DPP10: variants seen among roughly 807,000 people sequenced by gnomAD.
The protein encoded by DPP10 is inactive dipeptidyl peptidase 10.
A neutral mutation model predicts 120.9 loss-of-function variants in DPP10; 33 were observed. That is an observed-to-expected ratio of 0.27 (90% CI 0.21 to 0.37). The LOEUF (loss-of-function observed/expected upper bound fraction) is 0.37, where lower values mean the gene tolerates loss of function less well. Among genes scored for constraint, DPP10 ranks in the 10% least tolerant of loss-of-function variants. DPP10 has a pLI of 1.00. For synonymous variants in DPP10, 337 were observed against 326.1 expected (o/e 1.03, Z -0.36); for missense variants, 816 against 942.8 (o/e 0.87, Z 1.76).
chr2:114,964,420 A>G (rs1044717493), intron 1 of DPP10, among the ~76,000 whole-genome samples: 8 of 152,150 alleles, frequency 5.3e-5, no homozygotes, highest in African/African-American at 1.9e-4. Context: ...TACAGAGGAC[A>G]GTAAATAAGA....
chr2:115,056,200 A>G (rs1247899205), intron 1 of DPP10, among the ~76,000 whole-genome samples: 1 of 152,156 alleles, frequency 6.6e-6, no homozygotes. Context: ...AGGGTGAGGC[A>G]GGGCATATAG....
intron 1 of DPP10, among the ~76,000 whole-genome samples, chr2:114,610,177 T>C (rs1195039852): frequency 6.6e-6 from 1 of 152,176 alleles, no homozygotes; most frequent in African/African-American, 2.4e-5. Context: ...CACATTGTTT[T>C]TCTGGTATAT....
chr2:114,533,813 C>T (rs187577026), intron 1 of DPP10, among the ~76,000 whole-genome samples: 121 of 152,238 alleles, frequency 7.9e-4, no homozygotes, highest in African/African-American at 2.8e-3. Flanking sequence ...TGTTGAGAAA[C>T]CTGATGCCAT....
chr2:114,576,634 T>G (rs963047019), intron 1 of DPP10, among the ~76,000 whole-genome samples: 3 of 152,004 alleles, frequency 2.0e-5, no homozygotes, highest in Non-Finnish European at 2.9e-5. Context: ...GGAGAAAAAG[T>G]CTGGAGTGGC....
At chr2:115,362,171 G>A (rs923011016) in intron 3 of DPP10, among the ~76,000 whole-genome samples, 1 of 152,122 alleles carries the variant, frequency 6.6e-6, no homozygotes, top group Non-Finnish European at 1.5e-5. Flanking sequence ...GAATAAACAA[G>A]TATTAAACAT....
At chr2:115,626,870 A>G (rs1426948286) in intron 5 of DPP10, among the ~76,000 whole-genome samples, 1 of 152,194 alleles carries the variant, frequency 6.6e-6, no homozygotes, top group Non-Finnish European at 1.5e-5. Context: ...TTGTGCATAT[A>G]ATGAACAGAT....
intron 1 of DPP10, among the ~76,000 whole-genome samples, chr2:115,198,982 A>G (rs895525295): frequency 1.3e-5 from 2 of 152,150 alleles, no homozygotes; most frequent in African/African-American, 2.4e-5. Context: ...ATTTATTTCT[A>G]TTTACATCTC....
chr2:115,833,783 A>AT (rs1689166308), intron 21 of DPP10, among the ~76,000 whole-genome samples: 1 of 152,224 alleles, frequency 6.6e-6, no homozygotes, highest in Non-Finnish European at 1.5e-5. Flanking sequence ...TTCATCCCTG[A>AT]GATAACACAT....
intron 1 of DPP10, among the ~76,000 whole-genome samples, chr2:114,877,408 A>G (rs1285721195): frequency 6.6e-6 from 1 of 151,978 alleles, no homozygotes; most frequent in Non-Finnish European, 1.5e-5. Context: ...GCCTTGGCCT[A>G]CTTTCTCCAT....
intron 1 of DPP10, among the ~76,000 whole-genome samples, chr2:114,713,837 T>C (rs1448499561): frequency 6.6e-6 from 1 of 151,506 alleles, no homozygotes; most frequent in Non-Finnish European, 1.5e-5. Flanking sequence ...AATACAAAAA[T>C]AGCCGGGCGT....
At chr2:114,532,108 A>T (rs994131626) in intron 1 of DPP10, among the ~76,000 whole-genome samples, 1 of 151,506 alleles carries the variant, frequency 6.6e-6, no homozygotes, top group African/African-American at 2.4e-5. Context: ...GGATCAAAAT[A>T]TATGCCATCA....
intron 5 of DPP10, among the ~76,000 whole-genome samples, chr2:115,676,159 T>G (rs6542285): frequency 0.95 from 145,246 of 152,226 alleles, 69,545 homozygotes; most frequent in Non-Finnish European, 1. Flanking sequence ...ACTTGTGCAT[T>G]TACTTGAAGG....
At chr2:114,712,521 T>G (rs1474373822) in intron 1 of DPP10, among the ~76,000 whole-genome samples, 1 of 152,164 alleles carries the variant, frequency 6.6e-6, no homozygotes, top group Non-Finnish European at 1.5e-5. Flanking sequence ...AAGTGTGTGG[T>G]CCTTCCTCTT....
intron 1 of DPP10, among the ~76,000 whole-genome samples, chr2:114,973,353 C>T (rs1320361427): frequency 2.0e-5 from 3 of 151,322 alleles, no homozygotes; most frequent in African/African-American, 7.3e-5. Flanking sequence ...GTGTGTACTC[C>T]TACTTATTAA....
At chr2:114,571,955 A>G (rs960419309) in intron 1 of DPP10, among the ~76,000 whole-genome samples, 1 of 148,704 alleles carries the variant, frequency 6.7e-6, no homozygotes, top group Non-Finnish European at 1.5e-5. Context: ...TTTATACTAC[A>G]TATATTGTGT....
At chr2:114,571,500 A>G (rs550405831) in intron 1 of DPP10, among the ~76,000 whole-genome samples, 2 of 152,252 alleles carry the variant, frequency 1.3e-5, no homozygotes, top group South Asian at 4.1e-4. Context: ...CTTTATATCA[A>G]TGAGAGAACA....
At position 115,657,575 on chromosome 2, in the gene DPP10, C is replaced by A. The variant is rs570909846; in HGVS notation, c.442-32112C>A. 2.0e-5 allele frequency among the ~76,000 whole-genome samples: 3 copies of A among 151,734 alleles called. No homozygotes were observed. In the South Asian group the frequency reaches 6.2e-4, roughly 31 times the overall value. ...TTGCTCTGCTTTATCCTGTTATGAT[C>A]TTCTTCTAATGCTCAACCACCATTC... On this transcript the variant is annotated intron_variant, in intron 5 of 25. Transcript: ENST00000410059.
At chr2:115,007,884 C>T (rs1205513240) in intron 1 of DPP10, among the ~76,000 whole-genome samples, 1 of 151,712 alleles carries the variant, frequency 6.6e-6, no homozygotes, top group African/African-American at 2.4e-5. Flanking sequence ...GGTGAAGGAC[C>T]TCTTCAAGGA....
At chr2:114,677,099 C>CA (rs1698722639) in intron 1 of DPP10, among the ~76,000 whole-genome samples, 1 of 152,078 alleles carries the variant, frequency 6.6e-6, no homozygotes, top group Non-Finnish European at 1.5e-5. Flanking sequence ...TTATCCTCCC[C>CA]GGCTCATCAG....
Sources: allele counts gnomAD v4.1 joint callset (sites outside exome capture counted in the v4.1 genomes callset), GRCh38; gene constraint gnomAD v4.1.1; transcripts MANE v1.5; gene names NCBI Gene and HGNC (gene_info 2026-07-23, HGNC 2026-07-21).